The following APBB2 variants were observed in gnomAD, a reference collection of about 807,000 sequenced individuals.
APBB2 encodes the protein Fe65-like 1.
A neutral mutation model predicts 82.5 loss-of-function variants in APBB2; 38 were observed. That is an observed-to-expected ratio of 0.46 (90% CI 0.36 to 0.60). The LOEUF (loss-of-function observed/expected upper bound fraction) is 0.60, where lower values mean the gene tolerates loss of function less well. Among genes scored for constraint, APBB2 ranks in the 20% least tolerant of loss-of-function variants. APBB2 has a pLI of 0.00. For missense variants in APBB2, 772 were observed against 972.3 expected, an observed-to-expected ratio of 0.79 and a Z score of 2.74; for synonymous variants, 341 against 368.2, an observed-to-expected ratio of 0.93 and a Z score of 0.85.
chr4:41,099,282 G>A (rs1744559593), intron 3 of APBB2, among the ~76,000 whole-genome samples: 1 of 152,098 alleles, frequency 6.6e-6, no homozygotes, highest in South Asian at 2.1e-4. Flanking sequence ...AGGCTGGAGT[G>A]CAGTGGCGCA....
chr4:40,907,349 A>T (rs1777098298), intron 10 of APBB2, among the ~76,000 whole-genome samples: 3 of 72,948 alleles, frequency 4.1e-5, no homozygotes, highest in African/African-American at 1.5e-4. Flanking sequence ...AATATATTAC[A>T]TATATATATA....
chr4:40,869,592 GA>G (rs1764911477), intron 12 of APBB2, among the ~76,000 whole-genome samples: 1 of 150,192 alleles, frequency 6.7e-6, no homozygotes, highest in South Asian at 2.1e-4. Context: ...TGTCTCCAAA[GA>G]AAAAAAATAA....
chr4:40,928,368 C>CAACATCTCTACT (rs1783171931), intron 10 of APBB2, among the ~76,000 whole-genome samples: 1 of 149,068 alleles, frequency 6.7e-6, no homozygotes, highest in Non-Finnish European at 1.5e-5. Flanking sequence ...CATGATGAAA[C>CAACATCTCTACT]AACATCTCTA....
At chr4:41,200,941 T>A (rs1366777425) in intron 1 of APBB2, among the ~76,000 whole-genome samples, 2 of 152,206 alleles carry the variant, frequency 1.3e-5, no homozygotes, top group Non-Finnish European at 2.9e-5. Context: ...TCTGGCCCCT[T>A]AATCTTCATC....
intron 2 of APBB2, among the ~76,000 whole-genome samples, chr4:41,115,309 T>C (rs1404454005): frequency 1.3e-5 from 2 of 152,160 alleles, no homozygotes; most frequent in East Asian, 1.9e-4. Context: ...TTACAACTTA[T>C]ACAAAAATTA....
At chr4:40,951,898 A>G (rs987778480) in intron 6 of APBB2, among the ~76,000 whole-genome samples, 1 of 152,092 alleles carries the variant, frequency 6.6e-6, no homozygotes, top group East Asian at 1.9e-4. Flanking sequence ...GGGTCAAATT[A>G]TCATCATGGT....
intron 10 of APBB2, among the ~76,000 whole-genome samples, chr4:40,932,878 T>G (rs1253962627): frequency 2.6e-5 from 4 of 151,800 alleles, no homozygotes; most frequent in African/African-American, 9.8e-5. Context: ...TTTTGTTTTG[T>G]TTCGAGATGG....
At chr4:40,862,981 CA>C (rs1763138665) in intron 12 of APBB2, among the ~76,000 whole-genome samples, 1 of 151,924 alleles carries the variant, frequency 6.6e-6, no homozygotes. Flanking sequence ...GGCAGGTGTT[CA>C]GGGGGCTGTA....
In APBB2 at chr4:41,063,218, T is replaced by C. The variant is rs527531104; in HGVS notation, c.-51+2358A>G. Among the ~76,000 whole-genome samples, 37 of 152,350 alleles carry C rather than the reference T, an allele frequency of 2.4e-4. No homozygotes were observed. The South Asian group carries it at 4.6e-3, about 19-fold the overall frequency. ...ACATAGGGGTGGGCAAATTTTTTCT[T>C]AACAGGCTCACAGATATTTTAGGCT... On this transcript the variant is annotated intron_variant, in intron 4 of 17. Coordinates refer to ENST00000508593, the MANE Select transcript of APBB2 (RefSeq NM_004307.2).
chr4:41,198,016 C>A, intron 1 of APBB2, among the ~76,000 whole-genome samples: 2 of 152,310 alleles, frequency 1.3e-5, no homozygotes, highest in South Asian at 2.1e-4. Flanking sequence ...TTAATCCTTA[C>A]AATAACCCTA....
chr4:41,138,317 A>G (rs943849864), intron 2 of APBB2, among the ~76,000 whole-genome samples: 2 of 152,220 alleles, frequency 1.3e-5, no homozygotes, highest in African/African-American at 4.8e-5. Context: ...AAAACTTCTG[A>G]GCACCAAACA....
intron 6 of APBB2, among the ~76,000 whole-genome samples, chr4:40,951,516 G>T (rs1790152683): frequency 6.6e-6 from 1 of 152,260 alleles, no homozygotes; most frequent in African/African-American, 2.4e-5. Flanking sequence ...TGCAGCCATG[G>T]CTTGGTGCAA....
At chr4:41,102,332 T>C (rs1033228919) in intron 2 of APBB2, among the ~76,000 whole-genome samples, 2 of 152,216 alleles carry the variant, frequency 1.3e-5, no homozygotes, top group African/African-American at 4.8e-5. Flanking sequence ...TTAACTCTTA[T>C]GCCAGGTTCT....
intron 2 of APBB2, among the ~76,000 whole-genome samples, chr4:41,138,491 T>C (rs1758209625): frequency 7.8e-6 from 1 of 127,462 alleles, no homozygotes; most frequent in African/African-American, 3.0e-5. Context: ...AATAAAGAGC[T>C]TATATCAGAC....
chr4:40,818,659 C>T (rs1298648039), intron 17 of APBB2, among the ~76,000 whole-genome samples: 1 of 152,174 alleles, frequency 6.6e-6, no homozygotes, highest in Admixed American at 6.5e-5. Flanking sequence ...TGAACCCCAG[C>T]CCTGCTCCTG....
In APBB2 at chr4:40,812,537, C is replaced by T. The variant is rs1205326077; in HGVS notation, c.*3555G>A. Reference sequence around the variant, plus strand: ...CACGTTAGATGTGTATTAGGTTAAGCCTGGCCAACTAGAGAGCGAAGGGGC... The same window carrying T: ...CACGTTAGATGTGTATTAGGTTAAGTCTGGCCAACTAGAGAGCGAAGGGGC... On this transcript the variant is annotated 3_prime_UTR_variant, in exon 18 of 18. Coordinates refer to ENST00000508593, the MANE Select transcript of APBB2 (RefSeq NM_004307.2). The T allele has an allele frequency of 2.0e-5, 3 of 152,294 alleles. No homozygotes were observed. Among genetic ancestry groups the T allele is most frequent in the African/African-American group, 7.2e-5 (3 of 41,558 alleles). The allele number at this position is 152,294 out of a possible 1,614,324, so 9.4% of individuals were successfully genotyped here.
chr4:40,887,066 C>T (rs1770528084), intron 12 of APBB2, among the ~76,000 whole-genome samples: 1 of 152,174 alleles, frequency 6.6e-6, no homozygotes, highest in Non-Finnish European at 1.5e-5. Flanking sequence ...ACCAAAACCC[C>T]ACAGAAGACT....
intron 1 of APBB2, among the ~76,000 whole-genome samples, chr4:41,190,498 C>G (rs151300713): frequency 7.9e-5 from 12 of 152,000 alleles, no homozygotes; most frequent in Admixed American, 7.9e-4. Context: ...ATCCACCTGC[C>G]TCAGCCTCCC....
intron 2 of APBB2, among the ~76,000 whole-genome samples, chr4:41,125,263 A>G (rs1262085932): frequency 6.6e-6 from 1 of 152,258 alleles, no homozygotes; most frequent in Non-Finnish European, 1.5e-5. Context: ...CTTACATAAC[A>G]GCAATATGTG....
Sources: allele counts gnomAD v4.1 joint callset (sites outside exome capture counted in the v4.1 genomes callset), GRCh38; gene constraint gnomAD v4.1.1; transcripts MANE v1.5; gene names NCBI Gene and HGNC (gene_info 2026-07-23, HGNC 2026-07-21).